Variants in ATXN7 observed in about 807,000 individuals in gnomAD.
ATXN7 encodes ataxin 7.
In ATXN7, 12 loss-of-function variants were observed where a neutral mutation model predicts 70.5. The observed-to-expected ratio is 0.17, with a 90% confidence interval of 0.11 to 0.28. ATXN7 has a LOEUF of 0.28. Among genes scored for constraint, ATXN7 ranks in the 10% least tolerant of loss-of-function variants. The pLI, the probability that ATXN7 is intolerant of heterozygous loss-of-function variation, is 1.00. For missense variants in ATXN7, 1,256 were observed against 1,131.7 expected, an observed-to-expected ratio of 1.11 and a Z score of -1.58; for synonymous variants, 498 against 448.7, an observed-to-expected ratio of 1.11 and a Z score of -1.39.
At chr3:63,965,316 T>C (rs1421042625) in intron 5 of ATXN7, among the ~76,000 whole-genome samples, 1 of 152,160 alleles carries the variant, frequency 6.6e-6, no homozygotes, top group African/African-American at 2.4e-5. Context: ...TCCTTAGCTC[T>C]CCTGAGTCTC....
At chr3:63,910,749 T>C (rs540591888) in intron 2 of ATXN7, among the ~76,000 whole-genome samples, 2 of 152,328 alleles carry the variant, frequency 1.3e-5, no homozygotes, top group South Asian at 4.1e-4. Context: ...TAACCATGGT[T>C]TCACTTTTTG....
intron 1 of ATXN7, among the ~76,000 whole-genome samples, chr3:63,892,160 G>A (rs1259667432): frequency 6.6e-6 from 1 of 152,230 alleles, no homozygotes; most frequent in East Asian, 1.9e-4. Context: ...AGAGTAAAAC[G>A]CGTGCTAGCT....
chr3:63,912,643 C>A lies in ATXN7; in HGVS notation c.45C>A (p.Arg15=), dbSNP rs1267178272. 1.1e-5 allele frequency: 11 copies of A among 1,027,526 alleles called. No homozygotes were observed. Among genetic ancestry groups the A allele is most frequent in the African/African-American group, 7.0e-5 (4 of 57,056 alleles). 63.7% of individuals were successfully genotyped at this position (1,027,526 alleles called of 1,614,324 possible). ...ATGACGTCAGGGGGGAGCCGCGCCG[C>A]GCGGCGGCGGCGGCGGGCGGAGCAG... is the stretch of plus-strand genomic sequence containing the variant. ...AADDVRGEPR[R]AAAAAGGAAA... is the part of the protein sequence containing the mutation. Residue 15 remains arginine, a synonymous_variant, in exon 3 of 13, where the codon CGC becomes CGA. Coordinates refer to ENST00000674280, the MANE Select transcript of ATXN7 (RefSeq NM_001377405.1).
At chr3:63,984,388 A>G (rs1045993261) in intron 8 of ATXN7, among the ~76,000 whole-genome samples, 1 of 152,154 alleles carries the variant, frequency 6.6e-6, no homozygotes, top group Non-Finnish European at 1.5e-5. Flanking sequence ...CTAATTGGAC[A>G]CACAGTGGTG....
intron 4 of ATXN7, among the ~76,000 whole-genome samples, chr3:63,947,447 G>A (rs1374216989): frequency 6.6e-6 from 1 of 152,070 alleles, no homozygotes; most frequent in Non-Finnish European, 1.5e-5. Context: ...AATTAGCTGG[G>A]CGTGGTGGTG....
intron 2 of ATXN7, chr3:63,912,271 C>T (rs1704051441): frequency 6.6e-6 from 1 of 151,928 alleles, no homozygotes; most frequent in Admixed American, 6.6e-5. Flanking sequence ...GCCGCTCCGG[C>T]GCTGGCCTCC....
chr3:63,997,773 A>G, intron 12 of ATXN7: 1 of 1,509,674 alleles, frequency 6.6e-7, no homozygotes. Context: ...CTTTTTCAGA[A>G]AATACCAAGA....
chr3:63,917,046 A>G (rs1054841969), intron 4 of ATXN7, among the ~76,000 whole-genome samples: 2 of 152,062 alleles, frequency 1.3e-5, no homozygotes, highest in African/African-American at 4.8e-5. Context: ...CAGCCTCCCA[A>G]GTAGCTGGGA....
Position 64,003,204 on chromosome 3 carries a change from G to GCTTTTTT in ATXN7, c.*3738_*3744dup, listed in dbSNP as rs2075853496. On this transcript the variant is annotated 3_prime_UTR_variant, in exon 13 of 13. Transcript: ENST00000674280. ...GAATGTAGGGCCTTGAAAGCATTTT[G>GCTTTTTT]CTTTTTTTTTTTTTTTTTTTTTTTT... 1 of 101,522 alleles carries GCTTTTTT rather than the reference G, an allele frequency of 9.9e-6. No homozygotes were observed. Among genetic ancestry groups the GCTTTTTT allele is most frequent in the African/African-American group, 4.2e-5 (1 of 23,964 alleles). 6.3% of individuals were successfully genotyped at this position (101,522 alleles called of 1,614,324 possible). A position where few individuals can be genotyped will look rare whatever the true frequency, so the allele number is the denominator to read the frequency against.
chr3:63,911,959 A>T (rs1010089253), intron 2 of ATXN7: 2 of 152,100 alleles, frequency 1.3e-5, no homozygotes, highest in African/African-American at 4.8e-5. Context: ...CGGCTCCTCC[A>T]TAGGTGGCTG....
intron 5 of ATXN7, among the ~76,000 whole-genome samples, chr3:63,953,158 A>T (rs990699633): frequency 6.6e-6 from 1 of 152,170 alleles, no homozygotes; most frequent in African/African-American, 2.4e-5. Flanking sequence ...AAAAATAACT[A>T]TAAGTTTTTT....
chr3:63,925,301 T>C (rs1704671909), intron 4 of ATXN7, among the ~76,000 whole-genome samples: 2 of 152,112 alleles, frequency 1.3e-5, no homozygotes, highest in African/African-American at 4.8e-5. Context: ...TCCTTTGTAG[T>C]AGGGATCCCC....
At chr3:63,883,722 G>A (rs1027896322) in intron 1 of ATXN7, among the ~76,000 whole-genome samples, 1 of 152,042 alleles carries the variant, frequency 6.6e-6, no homozygotes, top group Non-Finnish European at 1.5e-5. Context: ...CTTAGCTCAG[G>A]TAATTAAGAG....
intron 1 of ATXN7, among the ~76,000 whole-genome samples, chr3:63,897,613 G>A (rs552874572): frequency 1.2e-3 from 180 of 152,208 alleles, no homozygotes; most frequent in Non-Finnish European, 2.3e-3. Context: ...AGAATTATAG[G>A]GAGAGAAGTA....
intron 4 of ATXN7, among the ~76,000 whole-genome samples, chr3:63,921,909 G>A (rs771499382): frequency 6.6e-6 from 1 of 152,226 alleles, no homozygotes; most frequent in Admixed American, 6.5e-5. Context: ...AGCCAGGACT[G>A]TCAGAGGAGC....
chr3:63,984,401 G>T (rs7624403), intron 8 of ATXN7, among the ~76,000 whole-genome samples: 63,966 of 151,852 alleles, frequency 0.42, 14,520 homozygotes, highest in African/African-American at 0.6. Context: ...CAGTGGTGTA[G>T]TGGTGGTGGT....
At chr3:63,960,114 G>A (rs1283577877) in intron 5 of ATXN7, among the ~76,000 whole-genome samples, 2 of 152,216 alleles carry the variant, frequency 1.3e-5, no homozygotes, top group Non-Finnish European at 2.9e-5. Context: ...AAGAAAGCCT[G>A]TCTCTGGAGT....
chr3:63,980,247 G>C, intron 6 of ATXN7, 80 bp downstream of exon 6: 2 of 1,532,868 alleles, frequency 1.3e-6, no homozygotes, highest in Non-Finnish European at 1.8e-6. Flanking sequence ...GAGAGTGCCT[G>C]TGAGTAATAT....
intron 5 of ATXN7, among the ~76,000 whole-genome samples, chr3:63,954,266 A>G (rs1339455872): frequency 2.0e-5 from 3 of 152,184 alleles, no homozygotes; most frequent in Non-Finnish European, 4.4e-5. Flanking sequence ...GCTGCCACAT[A>G]TGGCTGCACA....
Sources: allele counts gnomAD v4.1 joint callset (sites outside exome capture counted in the v4.1 genomes callset), GRCh38; gene constraint gnomAD v4.1.1; transcripts MANE v1.5; gene names NCBI Gene and HGNC (gene_info 2026-07-23, HGNC 2026-07-21).